NAV3: variants seen among roughly 807,000 people sequenced by gnomAD.
The protein encoded by NAV3 is pore membrane and/or filament interacting like protein 1.
In NAV3, 87 loss-of-function variants were observed where a neutral mutation model predicts 244.7. The observed-to-expected ratio is 0.36, with a 90% CI of 0.30 to 0.42. The LOEUF is 0.42. NAV3 is among the 20% of genes least tolerant of loss of function. NAV3 has a pLI of 1.00. For missense variants in NAV3, 2,663 were observed against 2,893.3 expected, an observed-to-expected ratio of 0.92 and a Z score of 1.83; for synonymous variants, 1,126 against 1,042.2, an observed-to-expected ratio of 1.08 and a Z score of -1.55.
intron 12 of NAV3, among the ~76,000 whole-genome samples, chr12:78,077,399 T>C (rs966343181): frequency 2.0e-5 from 3 of 152,238 alleles, no homozygotes; most frequent in African/African-American, 7.2e-5. Flanking sequence ...AGATATTGTG[T>C]ATCTGTTTAC....
intron 1 of NAV3, among the ~76,000 whole-genome samples, chr12:77,845,259 G>A (rs1334442400): frequency 1.3e-5 from 2 of 152,162 alleles, no homozygotes; most frequent in African/African-American, 4.8e-5. Context: ...TCTTAGTAGT[G>A]ATTTATGGGA....
chr12:77,756,123 A>G (rs1048453116), intron 2 of NAV3, among the ~76,000 whole-genome samples: 8 of 152,176 alleles, frequency 5.3e-5, no homozygotes, highest in African/African-American at 1.9e-4. Flanking sequence ...TCCTTCTAGA[A>G]GTGAGTGAGG....
At chr12:77,597,251 G>C (rs150457359) in intron 2 of NAV3, among the ~76,000 whole-genome samples, 1 of 152,050 alleles carries the variant, frequency 6.6e-6, no homozygotes, top group Admixed American at 6.6e-5. Flanking sequence ...ACAAGATACC[G>C]TATGTTGTTG....
chr12:78,188,109 G>C, intron 31 of NAV3, 139 bp from the exon 32 acceptor site: 1 of 624,924 alleles, frequency 1.6e-6, no homozygotes, highest in Non-Finnish European at 2.8e-6. Flanking sequence ...CACCATGTGT[G>C]TCTGTTACTA....
At chr12:77,852,263 A>C (rs1001124102) in intron 1 of NAV3, among the ~76,000 whole-genome samples, 3 of 152,222 alleles carry the variant, frequency 2.0e-5, no homozygotes, top group African/African-American at 7.2e-5. Flanking sequence ...GACTGGGTGC[A>C]GTGGCTCACG....
chr12:77,885,054 C>G lies in NAV3; in HGVS notation c.243+53350C>G, dbSNP rs557995199. Among the ~76,000 whole-genome samples the G allele has an allele frequency of 5.9e-4, 90 of 152,200 alleles. No homozygotes were observed. In the Middle Eastern group the frequency reaches 0.01, roughly 17 times the overall value. ...AAGAGTCTACATTCATGGAACACAA[C>G]ATCTATCAGGGCTAGTATATAATGT... is the stretch of plus-strand genomic sequence containing the variant. On this transcript the variant is annotated intron_variant, in intron 1 of 39. Transcript: ENST00000397909.
At chr12:77,730,418 T>C (rs572615053) in intron 2 of NAV3, among the ~76,000 whole-genome samples, 2 of 151,430 alleles carry the variant, frequency 1.3e-5, no homozygotes, top group African/African-American at 2.4e-5. Context: ...AATGTAAGGA[T>C]TGGAAATTAA....
rs1373638168 is a variant in NAV3 at position 78,153,909 on chromosome 12, G to A, written c.4785+4990G>A. 3.3e-5 allele frequency among the ~76,000 whole-genome samples: 5 copies of A among 151,104 alleles called. No homozygotes were observed. In the South Asian group the frequency reaches 6.2e-4, roughly 19 times the overall value. ...CACTTCAGTGTTTGGACAATTTTTT[G>A]TAGTGGAAAAGAAATGTGAAACTTT... is the stretch of plus-strand genomic sequence containing the variant. On this transcript the variant is annotated intron_variant, in intron 22 of 39. Coordinates refer to ENST00000397909, the MANE Select transcript of NAV3 (RefSeq NM_001024383.2).
intron 12 of NAV3, among the ~76,000 whole-genome samples, chr12:78,094,215 G>A (rs1170746952): frequency 6.6e-6 from 1 of 152,160 alleles, no homozygotes; most frequent in Admixed American, 6.5e-5. Context: ...TATGCTATAT[G>A]TCTATTGATT....
intron 1 of NAV3, among the ~76,000 whole-genome samples, chr12:77,871,567 T>C (rs1880963958): frequency 6.6e-6 from 1 of 152,214 alleles, no homozygotes; most frequent in African/African-American, 2.4e-5. Context: ...GTTAGTTTGC[T>C]GAGAATGATA....
At chr12:77,842,794 C>A (rs1032477026) in intron 1 of NAV3, among the ~76,000 whole-genome samples, 2 of 152,062 alleles carry the variant, frequency 1.3e-5, no homozygotes, top group Admixed American at 6.6e-5. Context: ...CGAACAATCT[C>A]TTTTTAAATG....
intron 2 of NAV3, among the ~76,000 whole-genome samples, chr12:77,774,200 AT>A (rs879633661): frequency 6.6e-6 from 1 of 152,232 alleles, no homozygotes; most frequent in Non-Finnish European, 1.5e-5. Context: ...AAGAATAAAC[AT>A]GCCATCTTCA....
intron 6 of NAV3, 128 bp from the exon 7 acceptor site, chr12:77,998,209 C>A: frequency 3.4e-6 from 2 of 594,820 alleles, no homozygotes; most frequent in Admixed American, 3.6e-5. Context: ...TTTGTCACAT[C>A]TATCACCATT....
At chr12:78,199,099 C>T in intron 36 of NAV3, 1 of 609,046 alleles carries the variant, frequency 1.6e-6, no homozygotes, top group Non-Finnish European at 3.1e-6. Context: ...CCACTCACTT[C>T]TGACGCACAT....
intron 12 of NAV3, among the ~76,000 whole-genome samples, chr12:78,073,572 A>C (rs1593474639): frequency 6.6e-6 from 1 of 152,058 alleles, no homozygotes; most frequent in Admixed American, 6.5e-5. Context: ...TTCCATGCTC[A>C]TGGGTAGGAA....
At chr12:78,053,908 A>G (rs1490036294) in intron 11 of NAV3, among the ~76,000 whole-genome samples, 3 of 152,198 alleles carry the variant, frequency 2.0e-5, no homozygotes, top group African/African-American at 7.2e-5. Flanking sequence ...CTTCACGAAT[A>G]TAGAATTTGT....
chr12:77,924,275 T>C (rs1887982605), intron 1 of NAV3, among the ~76,000 whole-genome samples: 1 of 152,148 alleles, frequency 6.6e-6, no homozygotes, highest in Non-Finnish European at 1.5e-5. Flanking sequence ...TTAGAGTATA[T>C]TTTTGTGGGC....
chr12:78,015,639 T>A (rs1333921851), intron 8 of NAV3, among the ~76,000 whole-genome samples: 1 of 152,106 alleles, frequency 6.6e-6, no homozygotes, highest in East Asian at 1.9e-4. Context: ...TGCCACAATT[T>A]TATATTCTAA....
chr12:77,991,817 G>C lies in NAV3; in HGVS notation c.672-2986G>C, dbSNP rs1486235572. On this transcript the variant is annotated intron_variant, in intron 5 of 39. Transcript: ENST00000397909. ...GGAGGCCGAGGTGAGCGGATCAAGA[G>C]GTCAGGAGTTTGAGACCATCTTGGC... Among the ~76,000 whole-genome samples the C allele has an allele frequency of 2.6e-5, 4 of 152,280 alleles. No homozygotes were observed. The East Asian group carries it at 7.7e-4, about 29-fold the overall frequency.
Sources: gnomAD v4.1 joint callset for allele counts (sites outside exome capture counted in the v4.1 genomes callset) on GRCh38, gnomAD v4.1.1 for gene constraint, MANE v1.5 for transcripts, NCBI Gene and HGNC (gene_info 2026-07-23, HGNC 2026-07-21) for gene names.